The following PDE11A variants were observed in gnomAD, a reference collection of about 807,000 sequenced individuals.
PDE11A encodes the protein phosphodiesterase 11A.
Under a neutral mutation model 100.5 loss-of-function variants are expected in PDE11A, and 100 were observed. The ratio of observed to expected loss-of-function variants is 1.00; its 90% confidence interval spans 0.85 to 1.18. The LOEUF is 1.18. Among genes scored for constraint, PDE11A ranks in the 50% most tolerant of loss-of-function variants. The probability of loss-of-function intolerance (pLI) is 0.00; values close to 1 mark genes in which losing one functional copy is unlikely to be tolerated. For missense variants in PDE11A, 1,141 were observed against 1,152.6 expected (o/e 0.99, Z 0.15); for synonymous variants, 381 against 420.8 (o/e 0.91, Z 1.16).
At chr2:178,083,622 A>G (rs1395109208) in intron 2 of PDE11A, among the ~76,000 whole-genome samples, 1 of 152,198 alleles carries the variant, frequency 6.6e-6, no homozygotes, top group Non-Finnish European at 1.5e-5. Context: ...TGTCTGAATT[A>G]CCTTTTCCTG....
At chr2:177,727,792 A>T in intron 11 of PDE11A, 27 bp from the exon 12 acceptor site, 1 of 1,378,542 alleles carries the variant, frequency 7.3e-7, no homozygotes, top group Non-Finnish European at 1.0e-6. Flanking sequence ...AGGGTGCGTC[A>T]GGCAGTTGTA....
intron 2 of PDE11A, among the ~76,000 whole-genome samples, chr2:177,931,174 AAAAC>A (rs143043862): frequency 0.82 from 123,687 of 151,632 alleles, 50,809 homozygotes; most frequent in Non-Finnish European, 0.86. Flanking sequence ...AAAACAAAAC[AAAAC>A]AAACAAACAA....
intron 2 of PDE11A, among the ~76,000 whole-genome samples, chr2:177,923,413 G>A (rs2085081479): frequency 6.6e-6 from 1 of 152,070 alleles, no homozygotes; most frequent in South Asian, 2.1e-4. Context: ...TAAGTACAGG[G>A]GTAGGGCTAG....
intron 5 of PDE11A, among the ~76,000 whole-genome samples, chr2:177,853,666 A>G (rs2083762658): frequency 1.9e-4 from 6 of 31,920 alleles, no homozygotes; most frequent in African/African-American, 4.0e-4. Context: ...ATATATATAT[A>G]TATATATATA....
intron 2 of PDE11A, among the ~76,000 whole-genome samples, chr2:177,957,887 C>T (rs999692314): frequency 7.6e-6 from 1 of 131,814 alleles, no homozygotes; most frequent in Non-Finnish European, 1.6e-5. Context: ...TTGCTCTATC[C>T]TTTACCTTTG....
chr2:178,003,515 T>C (rs1234029656), intron 2 of PDE11A, among the ~76,000 whole-genome samples: 2 of 151,954 alleles, frequency 1.3e-5, no homozygotes, highest in Non-Finnish European at 2.9e-5. Context: ...CCCACAGAGA[T>C]AGAAGGTAGA....
At chr2:177,710,481 C>T (rs1174795845) in intron 13 of PDE11A, among the ~76,000 whole-genome samples, 1 of 152,144 alleles carries the variant, frequency 6.6e-6, no homozygotes, top group African/African-American at 2.4e-5. Context: ...CGAGTTCTAG[C>T]GTCCAGCCAA....
At chr2:177,880,201 C>T (rs1022774619) in intron 4 of PDE11A, among the ~76,000 whole-genome samples, 1 of 152,162 alleles carries the variant, frequency 6.6e-6, no homozygotes, top group Non-Finnish European at 1.5e-5. Context: ...CCTTGTAATG[C>T]CTGATTAATG....
At chr2:177,813,834 GA>G (rs112563682) in intron 9 of PDE11A, among the ~76,000 whole-genome samples, 36 of 147,390 alleles carry the variant, frequency 2.4e-4, no homozygotes, top group Middle Eastern at 3.6e-3. Context: ...TTGCTAACCG[GA>G]AAAAAAAAAA....
chr2:177,737,558 G>A (rs1359680545), intron 10 of PDE11A, among the ~76,000 whole-genome samples: 5 of 150,096 alleles, frequency 3.3e-5, no homozygotes, highest in South Asian at 4.3e-4. Flanking sequence ...CTGAGATCAC[G>A]CCACTGCACT....
At chr2:177,657,931 A>G (rs1037300600) in intron 19 of PDE11A, among the ~76,000 whole-genome samples, 3 of 152,224 alleles carry the variant, frequency 2.0e-5, no homozygotes, top group African/African-American at 7.2e-5. Flanking sequence ...GGAAATGCCA[A>G]GAGAACCAAT....
At chr2:177,960,249 CG>C (rs1574309089) in intron 2 of PDE11A, among the ~76,000 whole-genome samples, 2 of 151,750 alleles carry the variant, frequency 1.3e-5, no homozygotes, top group East Asian at 3.9e-4. Context: ...GTAGTAGAGA[CG>C]GGGGCCCAAA....
At position 177,997,600 on chromosome 2, in the gene PDE11A, A is replaced by C. The variant is rs2086092120; in HGVS notation, c.1071+16702T>G. On this transcript the variant is annotated intron_variant, in intron 2 of 19. Coordinates refer to ENST00000286063, the MANE Select transcript of PDE11A (RefSeq NM_016953.4). ...CTGTTTCACCTGGAGAGCTAAGTGA[A>C]GTTGTCTGATATAAACTTGCAGGCC... is the stretch of plus-strand genomic sequence containing the variant. 11 of 1,016,028 alleles carry C rather than the reference A, an allele frequency of 1.1e-5. No homozygotes were observed. In the Admixed American group the frequency reaches 1.9e-4, roughly 17 times the overall value. 62.9% of individuals were successfully genotyped at this position (1,016,028 alleles called of 1,614,324 possible).
At chr2:177,672,702 G>A (rs1298717241) in intron 17 of PDE11A, among the ~76,000 whole-genome samples, 1 of 152,174 alleles carries the variant, frequency 6.6e-6, no homozygotes, top group Non-Finnish European at 1.5e-5. Context: ...AGGAATTACA[G>A]GAAGTGAGTT....
chr2:178,075,693 T>C (rs538827078), upstream of PDE11A, among the ~76,000 whole-genome samples: 1 of 152,200 alleles, frequency 6.6e-6, no homozygotes, highest in Non-Finnish European at 1.5e-5. Context: ...CTAGAAGGTA[T>C]TGAAGCCTGT....
At position 178,072,356 on chromosome 2, in the gene PDE11A, G is replaced by A; in HGVS notation, c.82C>T (p.Arg28Trp). Residue 28 changes from arginine to tryptophan, a missense_variant, in exon 1 of 20, where the codon CGG becomes TGG. Coordinates refer to ENST00000286063, the MANE Select transcript of PDE11A (RefSeq NM_016953.4). The part of the protein sequence containing the change: ...HPELFEDYLM[R>W]KGKQEMVEKW... ...TCAACCATCTCCTGCTTCCCCTTCC[G>A]CATCAAGTAATCTTCAAACAACTCT... 1.2e-6 allele frequency: 2 copies of A among 1,613,900 alleles called. No individual in the cohort carries two copies. Among genetic ancestry groups the A allele is most frequent in the Non-Finnish European group, 1.7e-6 (2 of 1,180,026 alleles).
At chr2:177,921,471 CAAAA>C (rs370144102) in intron 2 of PDE11A, among the ~76,000 whole-genome samples, 1 of 98,444 alleles carries the variant, frequency 1.0e-5, no homozygotes, top group Non-Finnish European at 2.2e-5. Flanking sequence ...CATCTAAAAG[CAAAA>C]AAAAAAAAAG....
At chr2:177,726,578 G>A (rs2081602069) in intron 12 of PDE11A, among the ~76,000 whole-genome samples, 1 of 151,876 alleles carries the variant, frequency 6.6e-6, no homozygotes. Flanking sequence ...TGGGAGAAAG[G>A]GGAAGACTTT....
intron 4 of PDE11A, among the ~76,000 whole-genome samples, chr2:177,891,584 C>G (rs989822664): frequency 4.6e-5 from 7 of 152,108 alleles, no homozygotes; most frequent in Non-Finnish European, 8.8e-5. Flanking sequence ...ATCTTTGATT[C>G]TTCTGAAGTT....
Sources: gnomAD v4.1 joint callset for allele counts (sites outside exome capture counted in the v4.1 genomes callset) on GRCh38, gnomAD v4.1.1 for gene constraint, MANE v1.5 for transcripts, NCBI Gene and HGNC (gene_info 2026-07-23, HGNC 2026-07-21) for gene names.